PROM1: variants seen among roughly 807,000 people sequenced by gnomAD.
The protein encoded by PROM1 is prominin 1, also known as prominin-1.
In PROM1, 105 loss-of-function variants were observed where a neutral mutation model predicts 116.9. The observed-to-expected ratio is 0.90, with a 90% CI of 0.77 to 1.06. PROM1 has a LOEUF of 1.06. PROM1 is among the 50% of genes least tolerant of loss of function. The pLI, the probability that PROM1 is intolerant of heterozygous loss-of-function variation, is 0.00. For missense variants in PROM1, 1,122 were observed against 1,045.2 expected (o/e 1.07, Z -1.01); for synonymous variants, 393 against 387.0 (o/e 1.02, Z -0.18).
chr4:15,979,989 T>C lies in PROM1; in HGVS notation c.2490-85A>G, dbSNP rs960360014. On this transcript the variant is annotated intron_variant, in intron 24 of 27. Transcript: ENST00000447510. ...AACTACATCCCCCAAATATTTACTC[T>C]AACACGGATACTGACAGTGCAAACT... 3.2e-5 allele frequency: 26 copies of C among 814,318 alleles called. No individual in the cohort carries two copies. In the African/African-American group the frequency reaches 4.8e-4, roughly 15 times the overall value. The allele number at this position is 814,318 out of a possible 1,614,324, so 50.4% of individuals were successfully genotyped here.
chr4:16,061,888 CTTTTT>C (rs34310500), intron 2 of PROM1, among the ~76,000 whole-genome samples: 3 of 85,728 alleles, frequency 3.5e-5, no homozygotes, highest in Non-Finnish European at 4.6e-5. Context: ...TACAAATTTC[CTTTTT>C]TTTTTTTTTT....
chr4:15,994,027 T>C lies in PROM1; in HGVS notation c.1727A>G (p.Gln576Arg). The stretch of plus-strand genomic sequence containing the variant: ...ATGTTCACTGATATTGAAGCTGTTC[T>C]GCAGGTGAAGAGTGCCGTAAGTGCC... Reference protein sequence around the residue: ...NRGTYGTLHLQNSFNISEHLN... With the variant: ...NRGTYGTLHLRNSFNISEHLN... The change falls in exon 16 of 28, where the codon CAG becomes CGG. Residue 576 changes from glutamine to arginine, a missense_variant. Physicochemically the swap from Gln to Arg is conservative, Grantham distance 43. Transcript: ENST00000447510. The C allele has an allele frequency of 6.2e-7, 1 of 1,614,030 alleles. No homozygotes were observed. Among genetic ancestry groups the C allele is most frequent in the Non-Finnish European group, 8.5e-7 (1 of 1,179,878 alleles).
intron 11 of PROM1, among the ~76,000 whole-genome samples, chr4:16,011,282 GACA>G (rs1726832898): frequency 6.6e-6 from 1 of 152,236 alleles, no homozygotes; most frequent in African/African-American, 2.4e-5. Context: ...GCCAGAGTGT[GACA>G]ACAAGTCTGT....
chr4:16,057,108 C>A (rs1281426392), intron 2 of PROM1, among the ~76,000 whole-genome samples: 1 of 152,198 alleles, frequency 6.6e-6, no homozygotes, highest in African/African-American at 2.4e-5. Flanking sequence ...TTTCTATGCA[C>A]AAGTTATATT....
At chr4:16,081,107 AC>A (rs1442727178) in intron 1 of PROM1, among the ~76,000 whole-genome samples, 1 of 151,890 alleles carries the variant, frequency 6.6e-6, no homozygotes, top group Non-Finnish European at 1.5e-5. Flanking sequence ...GTACATGTGC[AC>A]AATGTGCATG....
At chr4:15,988,352 G>T (rs1412108407) in intron 19 of PROM1, among the ~76,000 whole-genome samples, 5 of 152,226 alleles carry the variant, frequency 3.3e-5, no homozygotes, top group Admixed American at 3.3e-4. Context: ...CGCAAGAGTG[G>T]TTAACCTGAA....
intron 2 of PROM1, among the ~76,000 whole-genome samples, chr4:16,048,958 G>A (rs1560571041): frequency 1.3e-5 from 2 of 152,142 alleles, no homozygotes; most frequent in African/African-American, 4.8e-5. Context: ...GTGAAGGGAC[G>A]CTCCAGGGAT....
intron 2 of PROM1, among the ~76,000 whole-genome samples, chr4:16,047,213 CT>C (rs200962066): frequency 2.0e-5 from 3 of 151,168 alleles, no homozygotes; most frequent in African/African-American, 4.9e-5. Flanking sequence ...TACTGCCTTT[CT>C]TTTTTTTTGA....
chr4:16,041,789 T>TAAATAA (rs1560554283), intron 2 of PROM1, among the ~76,000 whole-genome samples: 2 of 83,268 alleles, frequency 2.4e-5, no homozygotes, highest in Non-Finnish European at 4.5e-5. Flanking sequence ...TAAATAAATA[T>TAAATAA]ATATATATAT....
intron 4 of PROM1, 114 bp downstream of exon 4, chr4:16,035,621 T>A: frequency 2.9e-6 from 3 of 1,031,854 alleles, no homozygotes. Context: ...AGGTTAAAAG[T>A]GATGGTAAAA....
intron 2 of PROM1, among the ~76,000 whole-genome samples, chr4:16,047,849 T>C (rs1339424098): frequency 1.3e-5 from 2 of 151,952 alleles, no homozygotes; most frequent in Admixed American, 6.6e-5. Context: ...AGGGCAGCAA[T>C]CGGGGCCCAG....
At position 16,016,231 on chromosome 4, in the gene PROM1, C is replaced by G; in HGVS notation, c.1012G>C (p.Val338Leu). Residue 338 changes from valine (V) to leucine (L), a missense_variant, in exon 10 of 28, where the codon GTG becomes CTG. Physicochemically the swap from Val to Leu is conservative, Grantham distance 32. Coordinates refer to ENST00000447510, the MANE Select transcript of PROM1 (RefSeq NM_006017.3). Reference sequence around the variant, plus strand: ...TTAACGTTGTCAAGTTCTGCATCCACGGGTGGAAGCTGAAAATTTATAAAA... The same window carrying G: ...TTAACGTTGTCAAGTTCTGCATCCAGGGGTGGAAGCTGAAAATTTATAAAA... ...SNPELRQLPP[V>L]DAELDNVNNV... 1 of 1,549,582 alleles carries G rather than the reference C, an allele frequency of 6.5e-7. No homozygotes were observed.
At position 16,009,039 on chromosome 4, in the gene PROM1, T is replaced by C; in HGVS notation, c.1211A>G (p.Asp404Gly). The C allele has an allele frequency of 6.2e-7, 1 of 1,605,162 alleles. No homozygotes were observed. Among genetic ancestry groups the C allele is most frequent in the African/African-American group, 1.3e-5 (1 of 74,792 alleles). ...DNVTQRLPIQ[D>G]ILSAFSVYVN... ...ATAAACAGAGAATGCTGAGAGTATATCCTGAATAGGAAGACGCTGAGTTAC... is the reference window on the plus strand; with the variant it reads ...ATAAACAGAGAATGCTGAGAGTATACCCTGAATAGGAAGACGCTGAGTTAC... The change falls in exon 12 of 28, where the codon GAT becomes GGT. Residue 404 changes from aspartate (D) to glycine (G), a missense_variant. Asp to Gly is a moderately conservative substitution (Grantham distance 94, BLOSUM62 -1). Coordinates refer to ENST00000447510, the MANE Select transcript of PROM1 (RefSeq NM_006017.3).
At position 16,075,897 on chromosome 4, in the gene PROM1, C is replaced by A; in HGVS notation, c.10G>T (p.Val4Leu). The A allele has an allele frequency of 1.2e-6, 2 of 1,610,446 alleles. No homozygotes were observed. Among genetic ancestry groups the A allele is most frequent in the Non-Finnish European group, 1.7e-6 (2 of 1,178,050 alleles). Reference protein sequence around the residue: MALVLGSLLLLGLC... With the variant: MALLLGSLLLLGLC... Reference sequence around the variant, plus strand: ...CCCAGCAGCAACAGGGAGCCGAGTACGAGGGCCATAGCTAGCAAGATCCTC... The same window carrying A: ...CCCAGCAGCAACAGGGAGCCGAGTAAGAGGGCCATAGCTAGCAAGATCCTC... The change falls in exon 2 of 28, where the codon GTA (valine) becomes TTA (leucine). Residue 4 changes from valine (V) to leucine (L), a missense_variant. Coordinates refer to ENST00000447510, the MANE Select transcript of PROM1 (RefSeq NM_006017.3).
intron 20 of PROM1, among the ~76,000 whole-genome samples, chr4:15,987,168 T>C (rs1719646350): frequency 6.6e-6 from 1 of 152,188 alleles, no homozygotes; most frequent in Non-Finnish European, 1.5e-5. Flanking sequence ...AGGGTGCCCA[T>C]TCTGAGCTTA....
chr4:15,974,451 C>CAA (rs960494147), intron 26 of PROM1, among the ~76,000 whole-genome samples: 1 of 151,444 alleles, frequency 6.6e-6, no homozygotes, highest in Non-Finnish European at 1.5e-5. Context: ...AAAAAGAGAC[C>CAA]AAAAAAAACT....
intron 15 of PROM1, among the ~76,000 whole-genome samples, 175 bp downstream of exon 15, chr4:15,998,210 A>G (rs1312598909): frequency 6.6e-6 from 1 of 152,246 alleles, no homozygotes; most frequent in African/African-American, 2.4e-5. Context: ...GGCTTTCAGT[A>G]GAAGGAATAT....
intron 20 of PROM1, 118 bp from the exon 21 acceptor site, chr4:15,986,155 T>C (rs1434829191): frequency 2.9e-6 from 2 of 692,120 alleles, no homozygotes; most frequent in Admixed American, 2.8e-5. Flanking sequence ...CTGGACCTGC[T>C]AGTTAAGAGG....
At position 16,016,281 on chromosome 4, in the gene PROM1, C is replaced by A. The variant is rs1371758481; in HGVS notation, c.1003-41G>T. On this transcript the variant is annotated intron_variant, in intron 9 of 27. Coordinates refer to ENST00000447510, the MANE Select transcript of PROM1 (RefSeq NM_006017.3). ...ACAAAATATAAGACAAGGTTGTTAC[C>A]TTCAAAACAATTCCTCATGAAGAAA... The A allele has an allele frequency of 4.8e-6, 7 of 1,450,594 alleles. No homozygotes were observed. The East Asian group carries it at 1.5e-4, about 31-fold the overall frequency. 89.9% of individuals were successfully genotyped at this position (1,450,594 alleles called of 1,614,324 possible).
Sources: allele counts gnomAD v4.1 joint callset (sites outside exome capture counted in the v4.1 genomes callset), GRCh38; gene constraint gnomAD v4.1.1; transcripts MANE v1.5; gene names NCBI Gene and HGNC (gene_info 2026-07-23, HGNC 2026-07-21).